The following INO80 variants were observed in gnomAD, a reference collection of about 807,000 sequenced individuals.
INO80 encodes INO80 complex ATPase subunit, also known as chromatin-remodeling ATPase INO80.
Under a neutral mutation model 203.4 loss-of-function variants are expected in INO80, and 20 were observed. The ratio of observed to expected loss-of-function variants is 0.10; its 90% CI spans 0.07 to 0.14. INO80 has a LOEUF of 0.14. Ranked by LOEUF, INO80 falls within the 10% of genes least tolerant of loss-of-function variation. INO80 has a pLI of 1.00. For synonymous variants in INO80, 726 were observed against 685.2 expected (o/e 1.06, Z -0.93); for missense variants, 1,419 against 1,914.4 (o/e 0.74, Z 4.83).
chr15:40,990,724 A>T (rs1396030491), intron 29 of INO80, among the ~76,000 whole-genome samples: 1 of 152,260 alleles, frequency 6.6e-6, no homozygotes, highest in Non-Finnish European at 1.5e-5. Flanking sequence ...TTCAAAGAGG[A>T]CATAAGAACT....
chr15:40,980,212 G>A lies in INO80; in HGVS notation c.*11C>T, dbSNP rs1484912056. ...CTGGTTTGGTTGAAGGAAGTCGGAG[G>A]GCCCAGATGGTTACCGTCCTCCAGA... On this transcript the variant is annotated 3_prime_UTR_variant, in exon 36 of 36. Transcript: ENST00000648947. 7 of 1,610,424 alleles carry A rather than the reference G, an allele frequency of 4.3e-6. 1 individual carries two copies. In the Admixed American group the frequency reaches 5.0e-5, roughly 12 times the overall value.
At chr15:41,081,663 A>G (rs1412239842) in intron 7 of INO80, among the ~76,000 whole-genome samples, 1 of 152,128 alleles carries the variant, frequency 6.6e-6, no homozygotes, top group Admixed American at 6.6e-5. Flanking sequence ...AGCTAAGGGG[A>G]AAAACAAAAG....
intron 4 of INO80, among the ~76,000 whole-genome samples, chr15:41,092,465 C>T (rs2045659492): frequency 6.6e-6 from 1 of 152,006 alleles, no homozygotes; most frequent in East Asian, 1.9e-4. Context: ...ACATAAATAT[C>T]ATATACATAC....
rs1425027471 is a variant in INO80 at position 41,116,271 on chromosome 15, G to T, written c.-342C>A. 1.5e-5 allele frequency: 6 copies of T among 399,586 alleles called. No individual in the cohort carries two copies. The highest frequency in any genetic ancestry group is 2.2e-5 in the Non-Finnish European group (5 of 227,204). The allele number at this position is 399,586 out of a possible 1,614,324, so 24.8% of individuals were successfully genotyped here. ...CGGGGAGCCATGGCGGGGGGGAGGA[G>T]AGGCGCCATAGCCAGGCCAGAACAA... On this transcript the variant is annotated 5_prime_UTR_variant, in exon 1 of 36. Coordinates refer to ENST00000648947, the MANE Select transcript of INO80 (RefSeq NM_017553.3).
intron 29 of INO80, among the ~76,000 whole-genome samples, chr15:40,994,662 GC>G (rs1470929833): frequency 6.6e-6 from 1 of 152,010 alleles, no homozygotes; most frequent in Non-Finnish European, 1.5e-5. Context: ...ACTGCACCTG[GC>G]CCCATATTAT....
intron 1 of INO80, among the ~76,000 whole-genome samples, chr15:41,110,569 G>T (rs140355021): frequency 1.6e-3 from 240 of 152,246 alleles, no homozygotes; most frequent in African/African-American, 5.3e-3. Flanking sequence ...CTCCAGAGTA[G>T]CTGGGACTAC....
chr15:41,057,797 C>CAAAAAAAAAAAAAAAAA (rs35197370), intron 16 of INO80, among the ~76,000 whole-genome samples: 3 of 29,334 alleles, frequency 1.0e-4, no homozygotes, highest in Non-Finnish European at 2.2e-4. Flanking sequence ...AACTACATCT[C>CAAAAAAAAAAAAAAAAA]AAAAAAAAAA....
rs569337825 is a variant in INO80, at chr15:41,003,423, G to A, written c.3497+2170C>T. On this transcript the variant is annotated intron_variant, in intron 28 of 35. Transcript: ENST00000648947. Reference sequence around the variant, plus strand: ...CTGCTCACTCTAACCTCCAACTCCCGAATTCAAGTGATTCTCCTGCCTCAG... The same window carrying A: ...CTGCTCACTCTAACCTCCAACTCCCAAATTCAAGTGATTCTCCTGCCTCAG... Among the ~76,000 whole-genome samples the A allele has an allele frequency of 5.8e-4, 78 of 134,994 alleles. 1 individual carries two copies. The highest frequency in any genetic ancestry group is 2.0e-3 in the African/African-American group (74 of 37,812). The allele number at this position is 134,994 out of a possible 152,430, so 88.6% of individuals were successfully genotyped here.
In INO80 at chr15:41,049,999, C is replaced by T; in HGVS notation, c.2378G>A (p.Gly793Asp). 6.2e-7 allele frequency: 1 copy of T among 1,614,074 alleles called. No homozygotes were observed. Among genetic ancestry groups the T allele is most frequent in the East Asian group, 2.2e-5 (1 of 44,890 alleles). The change falls in exon 20 of 36, where the codon GGC (glycine) becomes GAC (aspartate). Residue 793 changes from glycine (G) to aspartate (D), a missense_variant. Transcript: ENST00000648947. ...SIEDLLQSSMGSTQQAQNTTS... is the reference protein window; with the variant it reads ...SIEDLLQSSMDSTQQAQNTTS... The stretch of plus-strand genomic sequence containing the variant: ...GGTGTTCTGTGCTTGTTGGGTAGAG[C>T]CCATAGAAGACTGCAATAAATCCTC...
At chr15:40,988,361 T>C (rs1008621906) in intron 29 of INO80, among the ~76,000 whole-genome samples, 1 of 152,212 alleles carries the variant, frequency 6.6e-6, no homozygotes, top group Non-Finnish European at 1.5e-5. Context: ...TAATCGTCAT[T>C]ATTTAAATGC....
At chr15:41,072,574 C>G (rs1428528239) in intron 11 of INO80, among the ~76,000 whole-genome samples, 1 of 144,220 alleles carries the variant, frequency 6.9e-6, no homozygotes, top group Non-Finnish European at 1.5e-5. Context: ...AAAAAATTAG[C>G]TGGGTGTGGT....
At chr15:41,039,681 C>T (rs977116078) in intron 24 of INO80, among the ~76,000 whole-genome samples, 2 of 152,176 alleles carry the variant, frequency 1.3e-5, no homozygotes, top group African/African-American at 2.4e-5. Context: ...TTCATTCAAT[C>T]GATAAGCACT....
chr15:41,067,760 A>AGAGACCCAAAATCAC (rs2045246173), intron 14 of INO80, among the ~76,000 whole-genome samples: 1 of 152,220 alleles, frequency 6.6e-6, no homozygotes, highest in Non-Finnish European at 1.5e-5. Context: ...TCACTATTAC[A>AGAGACCCAAAATCAC]GAGACCCAAA....
intron 1 of INO80, among the ~76,000 whole-genome samples, chr15:41,111,400 G>A (rs551096221): frequency 6.6e-6 from 1 of 151,526 alleles, no homozygotes; most frequent in East Asian, 2.0e-4. Context: ...GAGCCAAGAT[G>A]GCGCCACTGC....
Position 41,035,847 on chromosome 15 carries a change from A to AG in INO80, c.2908-8112dup, listed in dbSNP as rs1555401519. On this transcript the variant is annotated intron_variant, in intron 24 of 35. Coordinates refer to ENST00000648947, the MANE Select transcript of INO80 (RefSeq NM_017553.3). The stretch of plus-strand genomic sequence containing the variant: ...AAAAAAAAAAAAAAAAAAAAAAAAA[A>AG]GTCTGGCGCCTTGGCTTACACCTGT... 8.7e-3 allele frequency among the ~76,000 whole-genome samples: 1,208 copies of AG among 139,358 alleles called. 35 individuals are homozygous for AG. The highest frequency in any genetic ancestry group is 0.016 in the Non-Finnish European group (981 of 62,856). 91.4% of individuals were successfully genotyped at this position (139,358 alleles called of 152,430 possible).
chr15:41,032,008 C>CACAGG (rs1566919645), intron 24 of INO80, among the ~76,000 whole-genome samples: 28 of 60,592 alleles, frequency 4.6e-4, no homozygotes, highest in Middle Eastern at 7.8e-3. Flanking sequence ...GACAGCACAG[C>CACAGG]ACAGCACAGC....
At chr15:41,007,218 C>T (rs1041244883) in intron 27 of INO80, among the ~76,000 whole-genome samples, 2 of 130,308 alleles carry the variant, frequency 1.5e-5, no homozygotes, top group Admixed American at 9.0e-5. Context: ...CTGTCTTGCT[C>T]GTCACCCAAG....
chr15:41,082,144 G>A (rs1289804215), intron 7 of INO80, among the ~76,000 whole-genome samples: 1 of 151,706 alleles, frequency 6.6e-6, no homozygotes, highest in African/African-American at 2.4e-5. Context: ...TAGCTACTCG[G>A]GAGGCTGAAG....
intron 1 of INO80, among the ~76,000 whole-genome samples, chr15:41,108,311 C>T (rs992553894): frequency 2.0e-5 from 3 of 151,944 alleles, no homozygotes; most frequent in African/African-American, 4.8e-5. Flanking sequence ...ACAGATAGGC[C>T]GGGCGTGGTG....
Sources: allele counts gnomAD v4.1 joint callset (sites outside exome capture counted in the v4.1 genomes callset), GRCh38; gene constraint gnomAD v4.1.1; transcripts MANE v1.5; gene names NCBI Gene and HGNC (gene_info 2026-07-23, HGNC 2026-07-21).